Variants in C2orf80 observed in about 807,000 individuals in gnomAD.
C2orf80 encodes chromosome 2 open reading frame 80.
Under a neutral mutation model 30.2 loss-of-function variants are expected in C2orf80, and 28 were observed. The ratio of observed to expected loss-of-function variants is 0.93; its 90% CI spans 0.69 to 1.27. C2orf80 has a LOEUF of 1.27. Among genes scored for constraint, C2orf80 ranks in the 50% most tolerant of loss-of-function variants. The pLI, the probability that C2orf80 is intolerant of heterozygous loss-of-function variation, is 0.00. For missense variants in C2orf80, 220 were observed against 231.0 expected, an observed-to-expected ratio of 0.95 and a Z score of 0.31; for synonymous variants, 80 against 76.4, an observed-to-expected ratio of 1.05 and a Z score of -0.24.
In C2orf80 at chr2:208,165,499, A is replaced by G; in HGVS notation, c.*308T>C. The G allele has an allele frequency of 3.5e-6, 1 of 285,852 alleles. No individual in the cohort carries two copies. Among genetic ancestry groups the G allele is most frequent in the Non-Finnish European group, 6.6e-6 (1 of 151,970 alleles). The allele number at this position is 285,852 out of a possible 1,614,324, so 17.7% of individuals were successfully genotyped here. A position where few individuals can be genotyped will look rare whatever the true frequency, so the allele number is the denominator to read the frequency against. On this transcript the variant is annotated 3_prime_UTR_variant, in exon 9 of 9. Transcript: ENST00000341287. ...CACTGTGCAATATTCAATGCCACAC[A>G]TTTGTAAAATGTGCTACAAAGCCAG...
chr2:208,186,197 A>G (rs991840413), intron 2 of C2orf80, among the ~76,000 whole-genome samples: 28 of 152,198 alleles, frequency 1.8e-4, no homozygotes, highest in Admixed American at 1.3e-3. Context: ...ATATATGTAC[A>G]TATATGTATA....
In C2orf80 at chr2:208,187,022, C is replaced by T. The variant is rs1574377467; in HGVS notation, c.-36G>A. ...TAGCCAGCTGAGCAGGTATCTGCAG[C>T]TAACACTACACTTAGACCCAGCTTC... On this transcript the variant is annotated 5_prime_UTR_variant, in exon 2 of 9. Transcript: ENST00000341287. The T allele has an allele frequency of 1.2e-6, 2 of 1,608,664 alleles. No homozygotes were observed. The highest frequency in any genetic ancestry group is 1.7e-6 in the Non-Finnish European group (2 of 1,175,130).
intron 1 of C2orf80, among the ~76,000 whole-genome samples, chr2:208,187,773 C>T (rs970804758): frequency 6.6e-6 from 1 of 150,636 alleles, no homozygotes; most frequent in Non-Finnish European, 1.5e-5. Context: ...AACTTTATCC[C>T]GGATGTTTCT....
At chr2:208,182,928 A>G in intron 4 of C2orf80, 37 bp downstream of exon 4, 2 of 1,510,030 alleles carry the variant, frequency 1.3e-6, no homozygotes, top group Non-Finnish European at 1.8e-6. Context: ...CATAGGCACA[A>G]ATTAAAGAGG....
intron 6 of C2orf80, among the ~76,000 whole-genome samples, chr2:208,177,366 AC>A (rs1226644198): frequency 6.6e-6 from 1 of 151,780 alleles, no homozygotes; most frequent in Non-Finnish European, 1.5e-5. Flanking sequence ...ACATGGCGAA[AC>A]CCCATCTCTA....
intron 6 of C2orf80, among the ~76,000 whole-genome samples, chr2:208,175,178 C>T (rs1374671979): frequency 2.1e-5 from 3 of 142,474 alleles, no homozygotes; most frequent in Admixed American, 7.4e-5. Flanking sequence ...TCCAGCTACT[C>T]GGGAGGCTGA....
chr2:208,187,312 A>C (rs531658935), intron 1 of C2orf80, among the ~76,000 whole-genome samples: 12 of 152,326 alleles, frequency 7.9e-5, no homozygotes, highest in African/African-American at 2.9e-4. Flanking sequence ...TAATCTAGCA[A>C]GTAAAACCAA....
At chr2:208,185,163 G>A (rs115327370) in intron 2 of C2orf80, 131 bp from the exon 3 acceptor site, 9,210 of 604,020 alleles carry the variant, frequency 0.015, 105 homozygotes, top group Non-Finnish European at 0.02. Flanking sequence ...TCTGGTAGCT[G>A]AGTTAATATT....
chr2:208,168,068 A>G (rs1210067474), intron 8 of C2orf80, among the ~76,000 whole-genome samples: 1 of 152,174 alleles, frequency 6.6e-6, no homozygotes, highest in African/African-American at 2.4e-5. Context: ...TTTAAAATGA[A>G]AATCTTCTTC....
chr2:208,182,256 C>T (rs569226983), intron 4 of C2orf80, among the ~76,000 whole-genome samples: 2 of 152,274 alleles, frequency 1.3e-5, no homozygotes, highest in African/African-American at 2.4e-5. Flanking sequence ...AATTATTCTG[C>T]GCTTCAAACA....
At chr2:208,184,741 G>A (rs1696663701) in intron 3 of C2orf80, among the ~76,000 whole-genome samples, 2 of 152,080 alleles carry the variant, frequency 1.3e-5, no homozygotes, top group Admixed American at 6.6e-5. Flanking sequence ...TAACTCTCAT[G>A]ATTTTTATTT....
intron 6 of C2orf80, among the ~76,000 whole-genome samples, chr2:208,173,420 C>G (rs932898599): frequency 6.6e-6 from 1 of 151,972 alleles, no homozygotes; most frequent in Non-Finnish European, 1.5e-5. Context: ...GTCAGGAGAT[C>G]GAAACTATCC....
chr2:208,168,018 A>G (rs1452403863), intron 8 of C2orf80, among the ~76,000 whole-genome samples: 1 of 152,134 alleles, frequency 6.6e-6, no homozygotes, highest in Non-Finnish European at 1.5e-5. Context: ...AAGACATATA[A>G]TATCTGCAAG....
In C2orf80 at chr2:208,165,716, ATGT is replaced by A. The variant is rs1357759509; in HGVS notation, c.*88_*90del. ...GTACCAAAAACAGTTGTAAAGAAAA[ATGT>A]ACTGGCAAGAGCTGTGGTTTTAAGA... On this transcript the variant is annotated 3_prime_UTR_variant, in exon 9 of 9. Transcript: ENST00000341287. 1 of 1,577,240 alleles carries A rather than the reference ATGT, an allele frequency of 6.3e-7. No individual in the cohort carries two copies. The highest frequency in any genetic ancestry group is 8.6e-7 in the Non-Finnish European group (1 of 1,161,982).
chr2:208,172,225 T>C (rs1045919320), intron 6 of C2orf80, 150 bp from the exon 7 acceptor site: 1 of 718,828 alleles, frequency 1.4e-6, no homozygotes. Context: ...CCACAGTCCA[T>C]TGATGGGGCA....
chr2:208,178,333 T>A (rs1200872003), intron 6 of C2orf80, among the ~76,000 whole-genome samples: 1 of 151,858 alleles, frequency 6.6e-6, no homozygotes, highest in Non-Finnish European at 1.5e-5. Context: ...TACCAGAAGG[T>A]GACAGGGAGA....
At chr2:208,181,396 C>T in intron 4 of C2orf80, 91 bp from the exon 5 acceptor site, 2 of 795,190 alleles carry the variant, frequency 2.5e-6, no homozygotes, top group Non-Finnish European at 4.4e-6. Flanking sequence ...AAGTAATCTG[C>T]AATGGCTGTG....
rs1353830438 is a variant in C2orf80 at position 208,166,191 on chromosome 2, TC to T, written c.574-377del. 5.3e-5 allele frequency among the ~76,000 whole-genome samples: 8 copies of T among 152,288 alleles called. No homozygotes were observed. In the East Asian group the frequency reaches 1.5e-3, roughly 29 times the overall value. On this transcript the variant is annotated intron_variant, in intron 8 of 8. Coordinates refer to ENST00000341287, the MANE Select transcript of C2orf80 (RefSeq NM_001099334.3). ...TGGTTATTTAAGAGAATTACTTTGT[TC>T]TTAAGAAATACACACAGAGGTACAT...
At chr2:208,187,393 A>G (rs1574377813) in intron 1 of C2orf80, among the ~76,000 whole-genome samples, 1 of 152,202 alleles carries the variant, frequency 6.6e-6, no homozygotes, top group African/African-American at 2.4e-5. Flanking sequence ...TGATCCATCT[A>G]GATCTGAATG....
Sources: allele counts gnomAD v4.1 joint callset (sites outside exome capture counted in the v4.1 genomes callset), GRCh38; gene constraint gnomAD v4.1.1; transcripts MANE v1.5; gene names NCBI Gene and HGNC (gene_info 2026-07-23, HGNC 2026-07-21).